Variants in RPS9 observed in about 807,000 individuals in gnomAD.
The protein encoded by RPS9 is ribosomal protein S9, also known as small ribosomal subunit protein uS4.
A neutral mutation model predicts 16.9 loss-of-function variants in RPS9; 1 was observed. That is an observed-to-expected ratio of 0.06 (90% CI 0.02 to 0.28). The LOEUF is 0.28. RPS9 is among the 10% of genes least tolerant of loss of function. The pLI is 1.00. For synonymous variants in RPS9, 106 were observed against 110.9 expected (o/e 0.96, Z 0.28); for missense variants, 137 against 273.2 (o/e 0.50, Z 3.51).
chr19:54,207,302 G>A (rs1409731757), intron 4 of RPS9, 96 bp from the exon 5 acceptor site: 16 of 1,061,822 alleles, frequency 1.5e-5, no homozygotes, highest in South Asian at 7.5e-5. Context: ...CAGCCGTGGC[G>A]GCCTCACGGG....
At position 54,206,470 on chromosome 19, in the gene RPS9, C is replaced by T; in HGVS notation, c.407+8C>T. On this transcript the variant is annotated splice_region_variant and intron_variant, in intron 4 of 4. Transcript: ENST00000302907. ...CCGCCAGCGCCATATCAGGTACCAC[C>T]TCGGATGGGCACCTGAATCTTCCTC... The T allele has an allele frequency of 1.2e-6, 2 of 1,614,116 alleles. No individual in the cohort carries two copies. The highest frequency in any genetic ancestry group is 1.1e-5 in the South Asian group (1 of 91,060).
intron 4 of RPS9, 143 bp downstream of exon 4, chr19:54,206,605 C>A: frequency 6.4e-7 from 1 of 1,551,892 alleles, no homozygotes; most frequent in Non-Finnish European, 8.7e-7. Flanking sequence ...TTCACCCTTG[C>A]ACACAGCTCA....
chr19:54,201,117 G>T (rs1320072719), intron 1 of RPS9, 43 bp from the exon 2 acceptor site: 1 of 1,609,782 alleles, frequency 6.2e-7, no homozygotes, highest in African/African-American at 1.3e-5. Flanking sequence ...GACTGCGCAG[G>T]CGCCGTTTGG....
intron 2 of RPS9, 62 bp from the exon 3 acceptor site, chr19:54,201,425 G>T: frequency 6.2e-7 from 1 of 1,610,190 alleles, no homozygotes; most frequent in Non-Finnish European, 8.5e-7. Context: ...TTCCAAAGCT[G>T]CCAGTCTAGT....
intron 3 of RPS9, among the ~76,000 whole-genome samples, chr19:54,204,479 C>A (rs1405326722): frequency 6.6e-6 from 1 of 152,234 alleles, no homozygotes; most frequent in Non-Finnish European, 1.5e-5. Flanking sequence ...TCGTGGCTCA[C>A]TGCAGCCTGG....
rs566625686 is a variant in RPS9 at position 54,200,860 on chromosome 19, C to G, written c.-54C>G. 16 of 1,115,064 alleles carry G rather than the reference C, an allele frequency of 1.4e-5. No individual in the cohort carries two copies. The highest frequency in any genetic ancestry group is 1.8e-5 in the Non-Finnish European group (16 of 909,016). The allele number at this position is 1,115,064 out of a possible 1,614,324, so 69.1% of individuals were successfully genotyped here. ...GCGCAGCCGTGGCGCTTCCGCGCCT[C>G]TTTCTCAGTGACCGGGTGGTTTGCT... On this transcript the variant is annotated 5_prime_UTR_variant, in exon 1 of 5. Transcript: ENST00000302907.
intron 1 of RPS9, 129 bp downstream of exon 1, chr19:54,201,017 G>A: frequency 4.8e-6 from 7 of 1,454,848 alleles, no homozygotes; most frequent in Non-Finnish European, 6.3e-6. Context: ...GTGCAGCACG[G>A]TTGTGGGGGC....
intron 4 of RPS9, 22 bp from the exon 5 acceptor site, chr19:54,207,376 C>T (rs2077280575): frequency 2.5e-6 from 4 of 1,594,394 alleles, no homozygotes; most frequent in Non-Finnish European, 2.6e-6. Context: ...TCCAGTCCAC[C>T]TCACCTTGTC....
At chr19:54,202,828 G>A in intron 3 of RPS9, 1 of 985,422 alleles carries the variant, frequency 1.0e-6, no homozygotes, top group Non-Finnish European at 1.2e-6. Flanking sequence ...TTTAGCTACA[G>A]ATTATCACAG....
At chr19:54,202,565 T>A (rs139195299) in intron 3 of RPS9, 2 of 982,956 alleles carry the variant, frequency 2.0e-6, no homozygotes, top group Non-Finnish European at 2.4e-6. Context: ...TGTGGTGAAA[T>A]ACACATTAAA....
In RPS9 at chr19:54,204,446, C is replaced by T. The variant is rs138689690; in HGVS notation, c.221-1830C>T. 7.7e-3 allele frequency among the ~76,000 whole-genome samples: 1,170 copies of T among 152,262 alleles called. 9 individuals carry two copies. The highest frequency in any genetic ancestry group is 0.013 in the Non-Finnish European group (905 of 68,024). Reference sequence around the variant, plus strand: ...ATGGTGACGATCTCACTTTGTCTCCCGGGCTGGAGCACAGTGGCATGGTCG... The same window carrying T: ...ATGGTGACGATCTCACTTTGTCTCCTGGGCTGGAGCACAGTGGCATGGTCG... On this transcript the variant is annotated intron_variant, in intron 3 of 4. Coordinates refer to ENST00000302907, the MANE Select transcript of RPS9 (RefSeq NM_001013.4).
rs1426081582 is a variant in RPS9, at chr19:54,206,419, T to A, written c.364T>A (p.Ser122Thr). ...GGTCTTCAAGCTGGGCTTGGCCAAG[T>A]CCATCCACCACGCTCGCGTGCTGAT... ...TQVFKLGLAK[S>T]IHHARVLIRQ... The change falls in exon 4 of 5, where the codon TCC (serine) becomes ACC (threonine). Residue 122 changes from serine to threonine, a missense_variant. By Grantham distance (58) the Ser-to-Thr change is moderately conservative. This residue lies in a region of RPS9 where 64 missense variants were observed against 164.0 expected (regional missense o/e 0.39). Coordinates refer to ENST00000302907, the MANE Select transcript of RPS9 (RefSeq NM_001013.4). 6.2e-7 allele frequency: 1 copy of A among 1,614,238 alleles called. No homozygotes were observed. Among genetic ancestry groups the A allele is most frequent in the Admixed American group, 1.7e-5 (1 of 60,032 alleles).
rs370340900 is a variant in RPS9 at position 54,207,500 on chromosome 19, G to C, written c.510G>C (p.Pro170=). 1 of 1,613,236 alleles carries C rather than the reference G, an allele frequency of 6.2e-7. No individual in the cohort carries two copies. The highest frequency in any genetic ancestry group is 8.5e-7 in the Non-Finnish European group (1 of 1,180,032). ...SLRSPYGGGR[P]GRVKRKNAKK... ...GCTCTCCCTACGGGGGTGGCCGCCC[G>C]GGCCGCGTGAAGAGGAAGAATGCCA... The change falls in exon 5 of 5, where the codon CCG becomes CCC. Residue 170 remains proline, a synonymous_variant. Coordinates refer to ENST00000302907, the MANE Select transcript of RPS9 (RefSeq NM_001013.4).
At chr19:54,205,864 T>G (rs1039928687) in intron 3 of RPS9, among the ~76,000 whole-genome samples, 3 of 152,214 alleles carry the variant, frequency 2.0e-5, no homozygotes, top group Non-Finnish European at 4.4e-5. Flanking sequence ...TCGCCCAGGC[T>G]GGAGTGCAGT....
chr19:54,204,845 C>T (rs1471149494), intron 3 of RPS9, among the ~76,000 whole-genome samples: 1 of 151,746 alleles, frequency 6.6e-6, no homozygotes, highest in South Asian at 2.1e-4. Context: ...GTTTAAATAT[C>T]CTCTGATGTT....
intron 3 of RPS9, chr19:54,202,985 A>G (rs960320774): frequency 3.1e-6 from 3 of 968,612 alleles, no homozygotes; most frequent in African/African-American, 3.5e-5. Flanking sequence ...GGTGTAAGCC[A>G]CCGCACCTGA....
Position 54,201,280 on chromosome 19 carries a change from C to T in RPS9, c.96C>T (p.Ile32=), listed in dbSNP as rs771384115. 22 of 1,613,896 alleles carry T rather than the reference C, an allele frequency of 1.4e-5. No homozygotes were observed. The highest frequency in any genetic ancestry group is 2.2e-5 in the South Asian group (2 of 91,074). ...GTCTCGACCAAGAGCTGAAGCTGAT[C>T]GGTGAGTGGCCAAGGCTTCCGGGAA... ...KSRLDQELKL[I]GEYGLRNKRE... The change falls in exon 2 of 5, where the codon ATC becomes ATT. Residue 32 remains isoleucine (I), a splice_region_variant and synonymous_variant. Transcript: ENST00000302907.
At chr19:54,201,356 A>G in intron 2 of RPS9, 75 bp downstream of exon 2, 3 of 1,610,102 alleles carry the variant, frequency 1.9e-6, no homozygotes, top group Non-Finnish European at 2.5e-6. Flanking sequence ...GTGCCCATGT[A>G]CTCTATCTAG....
Position 54,206,894 on chromosome 19 carries a change from G to T in RPS9, c.407+432G>T, listed in dbSNP as rs113537330. The stretch of plus-strand genomic sequence containing the variant: ...TCTGTAATGTGGCACCATTGAGGGG[G>T]AGGAGCTGTACAGAAAGAGGGCAAG... On this transcript the variant is annotated intron_variant, in intron 4 of 4. Coordinates refer to ENST00000302907, the MANE Select transcript of RPS9 (RefSeq NM_001013.4). 2,013 of 593,872 alleles carry T rather than the reference G, an allele frequency of 3.4e-3. 24 individuals carry two copies. In the African/African-American group the frequency reaches 0.034, roughly 10 times the overall value. The allele number at this position is 593,872 out of a possible 1,614,324, so 36.8% of individuals were successfully genotyped here.
Sources: allele counts gnomAD v4.1 joint callset (sites outside exome capture counted in the v4.1 genomes callset), GRCh38; gene constraint gnomAD v4.1.1; regional missense constraint gnomAD v4.1.1; transcripts MANE v1.5; gene names NCBI Gene and HGNC (gene_info 2026-07-23, HGNC 2026-07-21).